RAP1GAP2: variants seen among roughly 807,000 people sequenced by gnomAD.
RAP1GAP2 encodes rap1 GTPase-activating protein 2.
In RAP1GAP2, 27 loss-of-function variants were observed where a neutral mutation model predicts 95.0. The ratio of observed to expected loss-of-function variants is 0.28; its 90% CI spans 0.21 to 0.39. The LOEUF (loss-of-function observed/expected upper bound fraction) is 0.39. Ranked by LOEUF, RAP1GAP2 falls within the 10% of genes least tolerant of loss-of-function variation. The pLI, the probability that RAP1GAP2 is intolerant of heterozygous loss-of-function variation, is 1.00. For missense variants in RAP1GAP2, 771 were observed against 970.0 expected, an observed-to-expected ratio of 0.79 and a Z score of 2.72; for synonymous variants, 373 against 380.9, an observed-to-expected ratio of 0.98 and a Z score of 0.24.
At chr17:2,994,125 C>A (rs1427369748) in intron 12 of RAP1GAP2, among the ~76,000 whole-genome samples, 1 of 152,172 alleles carries the variant, frequency 6.6e-6, no homozygotes. Flanking sequence ...TTATGAAATT[C>A]TATCCCTTTA....
chr17:3,020,660 C>T (rs2046930907), intron 19 of RAP1GAP2, 65 bp downstream of exon 19: 1 of 1,406,602 alleles, frequency 7.1e-7, no homozygotes, highest in Non-Finnish European at 9.9e-7. Context: ...TCCACTGCTA[C>T]AGCTGTTCAG....
intron 3 of RAP1GAP2, among the ~76,000 whole-genome samples, chr17:2,949,457 C>G (rs1187937455): frequency 6.6e-6 from 1 of 152,180 alleles, no homozygotes; most frequent in Non-Finnish European, 1.5e-5. Flanking sequence ...CTGCTCTATG[C>G]CCTGAGCATT....
chr17:2,938,145 C>T (rs778822488), intron 3 of RAP1GAP2, among the ~76,000 whole-genome samples: 27 of 152,160 alleles, frequency 1.8e-4, no homozygotes, highest in Non-Finnish European at 3.1e-4. Flanking sequence ...GGACACAGCA[C>T]GTACGTCATG....
At chr17:2,868,668 C>T (rs960414453) in intron 2 of RAP1GAP2, among the ~76,000 whole-genome samples, 2 of 143,640 alleles carry the variant, frequency 1.4e-5, no homozygotes, top group South Asian at 4.7e-4. Context: ...CAGGCATGTG[C>T]CACTACGCCT....
chr17:2,942,538 G>A (rs1199240237), intron 3 of RAP1GAP2, among the ~76,000 whole-genome samples: 1 of 152,156 alleles, frequency 6.6e-6, no homozygotes, highest in African/African-American at 2.4e-5. Context: ...CACTGAGCTT[G>A]CCTTTCTGCT....
intron 2 of RAP1GAP2, among the ~76,000 whole-genome samples, chr17:2,837,523 C>G (rs994419065): frequency 6.6e-6 from 1 of 151,932 alleles, no homozygotes; most frequent in Non-Finnish European, 1.5e-5. Flanking sequence ...CTCCTCGTTT[C>G]CTGGGGCTCC....
chr17:2,765,713 A>G (rs2068262378), intron 1 of RAP1GAP2, among the ~76,000 whole-genome samples: 3 of 151,676 alleles, frequency 2.0e-5, no homozygotes, highest in Admixed American at 2.0e-4. Flanking sequence ...ACTGCACCCC[A>G]GACTGGGCGA....
chr17:2,840,399 G>A (rs747186366), intron 2 of RAP1GAP2, among the ~76,000 whole-genome samples: 1 of 152,054 alleles, frequency 6.6e-6, no homozygotes, highest in African/African-American at 2.4e-5. Context: ...CTGACCTCAG[G>A]TGATCCGCCC....
At chr17:2,796,437 C>T (rs1238235633), upstream of RAP1GAP2, 2 of 1,435,162 alleles carry the variant, frequency 1.4e-6, no homozygotes, top group Non-Finnish European at 1.9e-6. The surrounding 1 kb of genome is among the most constrained non-coding windows in gnomAD (Gnocchi z 4.7). Context: ...CCTGCACCGG[C>T]ACTGACCCCG....
chr17:2,927,361 G>A (rs375629749), intron 3 of RAP1GAP2, among the ~76,000 whole-genome samples: 76 of 151,504 alleles, frequency 5.0e-4, no homozygotes, highest in African/African-American at 1.5e-3. Context: ...CACCGTGTTA[G>A]CCAGGATGGT....
chr17:3,001,964 T>C (rs1421176955), intron 14 of RAP1GAP2, among the ~76,000 whole-genome samples: 4 of 143,150 alleles, frequency 2.8e-5, no homozygotes, highest in African/African-American at 2.5e-5. Flanking sequence ...CCACTCTTCT[T>C]CTCCTTTTTT....
At chr17:2,884,056 C>T (rs2073397813) in intron 2 of RAP1GAP2, among the ~76,000 whole-genome samples, 1 of 152,210 alleles carries the variant, frequency 6.6e-6, no homozygotes, top group Non-Finnish European at 1.5e-5. Flanking sequence ...CCTTTCTGGG[C>T]CAGTCGGGAA....
chr17:2,975,692 T>C (rs1377289298), intron 8 of RAP1GAP2, among the ~76,000 whole-genome samples: 1 of 152,156 alleles, frequency 6.6e-6, no homozygotes, highest in Non-Finnish European at 1.5e-5. Context: ...GCCCTGAGGG[T>C]GGTCTCCTGT....
intron 14 of RAP1GAP2, among the ~76,000 whole-genome samples, chr17:2,999,742 T>C (rs1275515014): frequency 6.6e-6 from 1 of 151,006 alleles, no homozygotes; most frequent in Non-Finnish European, 1.5e-5. Context: ...AGGCCAGAAG[T>C]TCAAGACCAG....
At chr17:2,983,034 T>C (rs1020403359) in intron 10 of RAP1GAP2, among the ~76,000 whole-genome samples, 2 of 152,134 alleles carry the variant, frequency 1.3e-5, no homozygotes, top group African/African-American at 4.8e-5. Context: ...GAGTGGAGGC[T>C]CCAGGGTCGG....
chr17:2,945,914 C>T (rs1303931336), intron 3 of RAP1GAP2, among the ~76,000 whole-genome samples: 2 of 152,018 alleles, frequency 1.3e-5, no homozygotes, highest in South Asian at 2.1e-4. Context: ...CTCACCCTCC[C>T]GAGTAGCTGG....
chr17:2,905,336 T>C lies in RAP1GAP2; in HGVS notation c.133T>C (p.Ser45Pro), dbSNP rs775631659. 6.2e-7 allele frequency: 1 copy of C among 1,613,658 alleles called. No homozygotes were observed. Among genetic ancestry groups the C allele is most frequent in the Non-Finnish European group, 8.5e-7 (1 of 1,179,730 alleles). ...TGCGACCCTCCCAGACCGGCCGCTC[T>C]CCCCTCCTCTCACGGCACCTCCCAC... ...SDATLPDRPL[S>P]PPLTAPPTMK... Residue 45 changes from serine (S) to proline (P), a missense_variant, in exon 3 of 25, where the codon TCC becomes CCC. Ser to Pro is a moderately conservative substitution (Grantham distance 74). Transcript: ENST00000254695.
chr17:2,824,189 T>A (rs1308898125), intron 2 of RAP1GAP2, among the ~76,000 whole-genome samples: 1 of 150,642 alleles, frequency 6.6e-6, no homozygotes, highest in Non-Finnish European at 1.5e-5. Flanking sequence ...GGCTCACACC[T>A]GTCATCCCAG....
At position 3,029,366 on chromosome 17, in the gene RAP1GAP2, C is replaced by G. The variant is rs1175040329; in HGVS notation, c.2108-1556C>G. ...GCCTCTTACACACCTTTTCTCCACA[C>G]AGTATTTAACCCCGATGGGCTGCTT... On this transcript the variant is annotated intron_variant, in intron 22 of 24. Coordinates refer to ENST00000254695, the MANE Select transcript of RAP1GAP2 (RefSeq NM_015085.5). The surrounding 1 kb of genome is among the most constrained non-coding windows in gnomAD (Gnocchi z 4.4). 6.6e-6 allele frequency among the ~76,000 whole-genome samples: 1 copy of G among 152,116 alleles called. No individual in the cohort carries two copies. The highest frequency in any genetic ancestry group is 1.5e-5 in the Non-Finnish European group (1 of 68,022).
Sources: allele counts gnomAD v4.1 joint callset (sites outside exome capture counted in the v4.1 genomes callset), GRCh38; gene constraint gnomAD v4.1.1; non-coding constraint Gnocchi (gnomAD v3.1); transcripts MANE v1.5; gene names NCBI Gene and HGNC (gene_info 2026-07-23, HGNC 2026-07-21).